The following TXNDC8 variants were observed in gnomAD, a reference collection of about 807,000 sequenced individuals.
TXNDC8 encodes thioredoxin domain containing 8.
TXNDC8 carries 15 observed loss-of-function variants against 12.9 expected under a neutral mutation model. That is an observed-to-expected ratio of 1.16 (90% CI 0.78 to 1.79). The LOEUF (loss-of-function observed/expected upper bound fraction) is 1.79, where lower values mean the gene tolerates loss of function less well. Among genes scored for constraint, TXNDC8 ranks in the 40% most tolerant of loss-of-function variants. TXNDC8 has a pLI of 0.00. For missense variants in TXNDC8, 128 were observed against 113.2 expected (o/e 1.13, Z -0.59); for synonymous variants, 40 against 35.4 (o/e 1.13, Z -0.46).
chr9:110,302,678 T>C (rs1276183441), downstream of TXNDC8, among the ~76,000 whole-genome samples: 1 of 152,024 alleles, frequency 6.6e-6, no homozygotes, highest in African/African-American at 2.4e-5. Flanking sequence ...CTTTCTGGTT[T>C]GTATGTGTGT....
chr9:110,331,083 A>G (rs1201472035), intron 2 of TXNDC8, among the ~76,000 whole-genome samples: 6 of 152,206 alleles, frequency 3.9e-5, no homozygotes, highest in African/African-American at 1.4e-4. Flanking sequence ...AAAAGTGGTG[A>G]AGATTTCTTT....
In TXNDC8 at chr9:110,325,122, C is replaced by A. The variant is rs567493057; in HGVS notation, c.195+1053G>T. On this transcript the variant is annotated intron_variant, in intron 3 of 4. Coordinates refer to ENST00000423740, the MANE Select transcript of TXNDC8 (RefSeq NM_001286946.2). ...GTGACCTTGCAAGACTCCATCCCCC[C>A]ACCCCCGAAAAAAAAAGAACAAAGT... Among the ~76,000 whole-genome samples the A allele has an allele frequency of 7.2e-5, 11 of 151,808 alleles. No homozygotes were observed. The South Asian group carries it at 1.5e-3, about 20-fold the overall frequency.
chr9:110,324,103 GTCTAAAC>G lies in TXNDC8; in HGVS notation c.195+2065_195+2071del. On this transcript the variant is annotated intron_variant, in intron 3 of 4. Transcript: ENST00000423740. ...TGGATGCTGGGTGCCAAAAAGAAGT[GTCTAAAC>G]TCCAAGTTTTAAAGAGAGTAACTGA... is the stretch of plus-strand genomic sequence containing the variant. The G allele has an allele frequency of 2.9e-6, 4 of 1,402,006 alleles. No homozygotes were observed. In the South Asian group the frequency reaches 4.7e-5, roughly 16 times the overall value. The allele number at this position is 1,402,006 out of a possible 1,614,324, so 86.8% of individuals were successfully genotyped here. A position where few individuals can be genotyped will look rare whatever the true frequency, so the allele number is the denominator to read the frequency against.
intron 3 of TXNDC8, among the ~76,000 whole-genome samples, chr9:110,321,091 T>G (rs1169066250): frequency 2.0e-5 from 3 of 152,224 alleles, no homozygotes; most frequent in Non-Finnish European, 4.4e-5. Flanking sequence ...TTTGTTTTAG[T>G]TTTTTCAAGT....
intron 3 of TXNDC8, among the ~76,000 whole-genome samples, chr9:110,324,621 T>A (rs1839233919): frequency 6.6e-6 from 1 of 152,232 alleles, no homozygotes; most frequent in Non-Finnish European, 1.5e-5. Context: ...TTTCATTTTT[T>A]AAAACTAGAT....
At chr9:110,323,945 G>T (rs1404772267) in intron 3 of TXNDC8, 2 of 1,550,916 alleles carry the variant, frequency 1.3e-6, no homozygotes, top group South Asian at 1.2e-5. Context: ...TGGAGTCAAG[G>T]GTCCATTTCT....
intron 1 of TXNDC8, among the ~76,000 whole-genome samples, chr9:110,336,585 T>C (rs1839767877): frequency 1.3e-5 from 2 of 152,192 alleles, no homozygotes; most frequent in Non-Finnish European, 2.9e-5. Context: ...TATTGAGGCC[T>C]ATACTATGCC....
At chr9:110,322,527 G>A in intron 3 of TXNDC8, 2 of 985,388 alleles carry the variant, frequency 2.0e-6, no homozygotes, top group Non-Finnish European at 2.4e-6. Flanking sequence ...TCCCCATACA[G>A]AATTGAGACC....
At chr9:110,331,336 G>T (rs190291251) in intron 2 of TXNDC8, among the ~76,000 whole-genome samples, 188 of 152,220 alleles carry the variant, frequency 1.2e-3, no homozygotes, top group African/African-American at 4.5e-3. Flanking sequence ...GACTCTGACC[G>T]CTGCTCTGTT....
chr9:110,334,005 T>C (rs562778626), intron 2 of TXNDC8, among the ~76,000 whole-genome samples: 3 of 152,340 alleles, frequency 2.0e-5, no homozygotes, highest in Admixed American at 6.5e-5. Flanking sequence ...TCTTGCAGAA[T>C]TACCTGTGGA....
intron 3 of TXNDC8, among the ~76,000 whole-genome samples, chr9:110,306,567 G>A (rs1838474464): frequency 6.6e-6 from 1 of 152,112 alleles, no homozygotes; most frequent in South Asian, 2.1e-4. Context: ...CTTGAACTCA[G>A]TCAGATCCAT....
intron 3 of TXNDC8, among the ~76,000 whole-genome samples, chr9:110,325,378 GC>G (rs1839268580): frequency 6.6e-6 from 1 of 152,114 alleles, no homozygotes; most frequent in Non-Finnish European, 1.5e-5. Context: ...AGGCGCTACA[GC>G]TAGGAAGTGC....
chr9:110,313,252 C>G (rs1838754949), intron 3 of TXNDC8, among the ~76,000 whole-genome samples: 1 of 152,114 alleles, frequency 6.6e-6, no homozygotes, highest in South Asian at 2.1e-4. Context: ...TATCTTTTCC[C>G]CCAATTTTTC....
In TXNDC8 at chr9:110,304,454, C is replaced by T. The variant is rs1337938211; in HGVS notation, c.261+13G>A. On this transcript the variant is annotated intron_variant, in intron 4 of 4. Transcript: ENST00000423740. ...CCAGATTTCTAACTCTAACTTGATCCCATTTCACTTACCAGGTTGCTCATG... is the reference window on the plus strand; with the variant it reads ...CCAGATTTCTAACTCTAACTTGATCTCATTTCACTTACCAGGTTGCTCATG... 1.2e-6 allele frequency: 2 copies of T among 1,606,518 alleles called. No individual in the cohort carries two copies. The highest frequency in any genetic ancestry group is 1.7e-6 in the Non-Finnish European group (2 of 1,175,030).
chr9:110,327,641 A>G (rs528007244), intron 2 of TXNDC8, among the ~76,000 whole-genome samples: 4 of 152,320 alleles, frequency 2.6e-5, no homozygotes, highest in African/African-American at 9.6e-5. Flanking sequence ...GATACATTCT[A>G]TAATATGAAT....
At chr9:110,334,986 C>T (rs56132429) in intron 1 of TXNDC8, among the ~76,000 whole-genome samples, 58,207 of 151,942 alleles carry the variant, frequency 0.38, 12,722 homozygotes, top group African/African-American at 0.6. Flanking sequence ...TTCCCATCAA[C>T]TGTTTGTATC....
chr9:110,329,260 A>G (rs1839460387), intron 2 of TXNDC8: 1 of 1,611,932 alleles, frequency 6.2e-7, no homozygotes, highest in Non-Finnish European at 8.5e-7. Context: ...CACATTAGCA[A>G]AAAATACATT....
At chr9:110,325,709 CG>C (rs1312622068) in intron 3 of TXNDC8, among the ~76,000 whole-genome samples, 1 of 151,932 alleles carries the variant, frequency 6.6e-6, no homozygotes, top group Non-Finnish European at 1.5e-5. Flanking sequence ...TTAATAGAGA[CG>C]GGGTTTCACT....
chr9:110,316,879 A>G (rs985087829), intron 3 of TXNDC8, among the ~76,000 whole-genome samples: 5 of 152,178 alleles, frequency 3.3e-5, no homozygotes, highest in African/African-American at 1.2e-4. Flanking sequence ...CAACTACTCA[A>G]ATTTGCTGTT....
Sources: allele counts gnomAD v4.1 joint callset (sites outside exome capture counted in the v4.1 genomes callset), GRCh38; gene constraint gnomAD v4.1.1; transcripts MANE v1.5; gene names NCBI Gene and HGNC (gene_info 2026-07-23, HGNC 2026-07-21).